PTP4A2: variants seen among roughly 807,000 people sequenced by gnomAD.
PTP4A2 encodes the protein protein tyrosine phosphatase type IVA 2.
Under a neutral mutation model 22.9 loss-of-function variants are expected in PTP4A2, and 2 were observed. The observed-to-expected ratio is 0.09, with a 90% confidence interval of 0.04 to 0.27. The LOEUF (loss-of-function observed/expected upper bound fraction) is 0.27, where lower values mean the gene tolerates loss of function less well. PTP4A2 is among the 10% of genes least tolerant of loss of function. The pLI is 1.00. For synonymous variants in PTP4A2, 68 were observed against 69.1 expected (o/e 0.98, Z 0.08); for missense variants, 103 against 205.1 (o/e 0.50, Z 3.04).
intron 1 of PTP4A2, among the ~76,000 whole-genome samples, chr1:31,927,443 T>C (rs1375679454): frequency 6.6e-6 from 1 of 152,148 alleles, no homozygotes; most frequent in Non-Finnish European, 1.5e-5. Context: ...AAATCATTTG[T>C]ACGCCAAACC....
chr1:31,914,042 AAATT>A, intron 3 of PTP4A2: 1 of 381,442 alleles, frequency 2.6e-6, no homozygotes, highest in South Asian at 2.0e-5. Context: ...GACTGCAAGC[AAATT>A]ATTACCATGC....
chr1:31,923,484 G>A (rs976697199), intron 1 of PTP4A2, among the ~76,000 whole-genome samples: 2 of 151,162 alleles, frequency 1.3e-5, no homozygotes, highest in Non-Finnish European at 2.9e-5. Flanking sequence ...ACAGGCGCCC[G>A]CTACCACGCC....
chr1:31,930,643 CT>C (rs1186840133), intron 1 of PTP4A2, among the ~76,000 whole-genome samples: 2 of 152,274 alleles, frequency 1.3e-5, no homozygotes. Context: ...CCTAAACTTG[CT>C]TTTTATAAAT....
intron 1 of PTP4A2, chr1:31,932,606 G>C (rs1003903241): frequency 2.0e-5 from 3 of 152,200 alleles, no homozygotes; most frequent in African/African-American, 7.2e-5. Context: ...TTCTGGGAAA[G>C]ATTTCTGTGT....
intron 1 of PTP4A2, among the ~76,000 whole-genome samples, chr1:31,920,301 G>C (rs1041286447): frequency 6.6e-6 from 1 of 151,140 alleles, no homozygotes; most frequent in African/African-American, 2.4e-5. Context: ...AAATTAGCCA[G>C]GCATGGTGGC....
In PTP4A2 at chr1:31,911,813, T is replaced by A; in HGVS notation, c.203A>T (p.Asp68Val). The A allele has an allele frequency of 6.3e-7, 1 of 1,576,420 alleles. No homozygotes were observed. The highest frequency in any genetic ancestry group is 8.6e-7 in the Non-Finnish European group (1 of 1,167,308). Residue 68 changes from aspartate (D) to valine (V), a missense_variant, in exon 4 of 6, where the codon GAT (aspartate) becomes GTT (valine). Asp to Val is a radical substitution (Grantham distance 152). Coordinates refer to ENST00000647444, the MANE Select transcript of PTP4A2 (RefSeq NM_080391.4). ...EGIHVLDWPF[D>V]DGAPPPNQIV... ...CTGATTAGGGGGTGGAGCTCCATCATCAAATGGCCAATCCTGAAAAGAAAT... is the reference window on the plus strand; with the variant it reads ...CTGATTAGGGGGTGGAGCTCCATCAACAAATGGCCAATCCTGAAAAGAAAT...
intron 1 of PTP4A2, among the ~76,000 whole-genome samples, chr1:31,922,180 A>C (rs1652187507): frequency 1.3e-5 from 2 of 152,182 alleles, no homozygotes; most frequent in South Asian, 4.1e-4. Flanking sequence ...AACTACCCTG[A>C]CCTTTTAAAA....
intron 1 of PTP4A2, among the ~76,000 whole-genome samples, chr1:31,934,803 T>A (rs1026779937): frequency 6.6e-6 from 1 of 152,228 alleles, no homozygotes; most frequent in African/African-American, 2.4e-5. Flanking sequence ...TTCAATGATG[T>A]TGTAAATGGT....
intron 1 of PTP4A2, among the ~76,000 whole-genome samples, chr1:31,929,024 A>G (rs374324209): frequency 4.6e-5 from 7 of 152,320 alleles, no homozygotes; most frequent in African/African-American, 1.7e-4. Context: ...TTAGATGTGC[A>G]TGTACCCCGG....
chr1:31,916,057 T>C, intron 2 of PTP4A2, 70 bp from the exon 3 acceptor site: 1 of 1,078,896 alleles, frequency 9.3e-7, no homozygotes, highest in Non-Finnish European at 1.3e-6. Flanking sequence ...AGAAATGTAC[T>C]ATTATAGGCC....
At chr1:31,914,316 C>T in intron 3 of PTP4A2, 1 of 455,586 alleles carries the variant, frequency 2.2e-6, no homozygotes, top group Non-Finnish European at 4.4e-6. Context: ...ATCCACCTAC[C>T]TTGGCCTCCC....
At position 31,907,783 on chromosome 1, in the gene PTP4A2, C is replaced by G. The variant is rs1193003308; in HGVS notation, c.*1069G>C. Reference sequence around the variant, plus strand: ...GCTACCAGCATTCTCTGATACTAGACAGAAAATCAGAGTAACGCTACAGCC... The same window carrying G: ...GCTACCAGCATTCTCTGATACTAGAGAGAAAATCAGAGTAACGCTACAGCC... On this transcript the variant is annotated 3_prime_UTR_variant, in exon 6 of 6. Transcript: ENST00000647444. 3 of 151,950 alleles carry G rather than the reference C, an allele frequency of 2.0e-5. No homozygotes were observed. Among genetic ancestry groups the G allele is most frequent in the African/African-American group, 7.3e-5 (3 of 41,376 alleles). 9.4% of individuals were successfully genotyped at this position (151,950 alleles called of 1,614,324 possible).
At chr1:31,917,947 CAAA>C (rs56791050) in intron 2 of PTP4A2, among the ~76,000 whole-genome samples, 35 of 81,372 alleles carry the variant, frequency 4.3e-4, no homozygotes, top group East Asian at 9.0e-4. Context: ...CACTCCGTCT[CAAA>C]AAAAAAAAAA....
intron 1 of PTP4A2, among the ~76,000 whole-genome samples, chr1:31,928,290 C>T (rs951182441): frequency 4.7e-5 from 7 of 148,582 alleles, no homozygotes; most frequent in African/African-American, 9.9e-5. Context: ...CCCTCCTTAC[C>T]CACAATAACT....
chr1:31,916,068 G>A (rs377304239), intron 2 of PTP4A2, 81 bp from the exon 3 acceptor site: 8 of 943,132 alleles, frequency 8.5e-6, no homozygotes, highest in South Asian at 3.4e-5. Context: ...ATTATAGGCC[G>A]GGCGGGGTGG....
intron 1 of PTP4A2, chr1:31,921,532 T>C (rs1178074117): frequency 6.6e-6 from 1 of 152,238 alleles, no homozygotes. Context: ...ATTTTTATTA[T>C]TATTTTTAGG....
intron 1 of PTP4A2, among the ~76,000 whole-genome samples, chr1:31,931,815 T>G (rs1569649345): frequency 6.6e-6 from 1 of 152,232 alleles, no homozygotes; most frequent in Non-Finnish European, 1.5e-5. Flanking sequence ...CATATCCTTC[T>G]CTATTTGCTG....
chr1:31,919,725 G>C (rs1652038692), intron 1 of PTP4A2, 67 bp from the exon 2 acceptor site: 1 of 152,546 alleles, frequency 6.6e-6, no homozygotes, highest in South Asian at 2.1e-4. Flanking sequence ...AATGCCTGAA[G>C]TCAAAATACA....
intron 1 of PTP4A2, among the ~76,000 whole-genome samples, chr1:31,920,536 C>CTTT (rs35696767): frequency 3.1e-5 from 4 of 130,232 alleles, no homozygotes; most frequent in Non-Finnish European, 6.4e-5. Context: ...CTTCCATGAA[C>CTTT]TTTTTTTTTT....
Sources: gnomAD v4.1 joint callset for allele counts (sites outside exome capture counted in the v4.1 genomes callset) on GRCh38, gnomAD v4.1.1 for gene constraint, MANE v1.5 for transcripts, NCBI Gene and HGNC (gene_info 2026-07-23, HGNC 2026-07-21) for gene names.